Variants in GRID2 observed in about 807,000 individuals in gnomAD.
GRID2 encodes the protein glutamate receptor ionotropic, delta-2.
In GRID2, 33 loss-of-function variants were observed where a neutral mutation model predicts 114.8. The observed-to-expected ratio is 0.29, with a 90% CI of 0.22 to 0.38. GRID2 has a LOEUF of 0.38. GRID2 is among the 10% of genes least tolerant of loss of function. The pLI, the probability that GRID2 is intolerant of heterozygous loss-of-function variation, is 1.00. For synonymous variants in GRID2, 505 were observed against 449.9 expected (o/e 1.12, Z -1.55); for missense variants, 1,184 against 1,257.7 (o/e 0.94, Z 0.89).
intron 1 of GRID2, among the ~76,000 whole-genome samples, chr4:92,394,999 C>T (rs1448377452): frequency 1.3e-5 from 2 of 151,318 alleles, no homozygotes; most frequent in African/African-American, 4.8e-5. Context: ...TAATTCTATC[C>T]ATAATATGCT....
chr4:92,978,204 C>G (rs1271224008), intron 2 of GRID2, among the ~76,000 whole-genome samples: 1 of 152,122 alleles, frequency 6.6e-6, no homozygotes, highest in East Asian at 1.9e-4. Context: ...GAATGTTTCT[C>G]TTCATTCCTT....
chr4:93,649,404 A>G (rs1335034831), intron 14 of GRID2, among the ~76,000 whole-genome samples: 1 of 152,092 alleles, frequency 6.6e-6, no homozygotes, highest in African/African-American at 2.4e-5. Context: ...TTTTTCTTTT[A>G]TTAACATAAT....
At chr4:92,539,268 T>C in intron 1 of GRID2, among the ~76,000 whole-genome samples, 1 of 152,126 alleles carries the variant, frequency 6.6e-6, no homozygotes, top group African/African-American at 2.4e-5. Flanking sequence ...AACTAATGAG[T>C]GTTTAACTAT....
At chr4:93,031,333 C>T (rs981633547) in intron 2 of GRID2, among the ~76,000 whole-genome samples, 3 of 152,032 alleles carry the variant, frequency 2.0e-5, no homozygotes, top group South Asian at 2.1e-4. Context: ...TGTGAGCCAC[C>T]GTGCCCGGCC....
At chr4:93,406,916 A>G (rs1312138159) in intron 9 of GRID2, among the ~76,000 whole-genome samples, 5 of 152,136 alleles carry the variant, frequency 3.3e-5, no homozygotes, top group African/African-American at 1.2e-4. Flanking sequence ...CGACGAAAAA[A>G]CGTCACAGAA....
chr4:92,696,998 C>T (rs1001140974), intron 2 of GRID2, among the ~76,000 whole-genome samples: 8 of 152,206 alleles, frequency 5.3e-5, no homozygotes, highest in Admixed American at 5.2e-4. Context: ...TTGTACCTTT[C>T]TCTCAATGAC....
chr4:92,891,525 T>A (rs909880050), intron 2 of GRID2, among the ~76,000 whole-genome samples: 1 of 152,190 alleles, frequency 6.6e-6, no homozygotes, highest in African/African-American at 2.4e-5. Context: ...TGCCTTCCTT[T>A]TCACTAGTCA....
At chr4:93,258,815 C>A (rs1488338040) in intron 8 of GRID2, 2 of 430,352 alleles carry the variant, frequency 4.6e-6, no homozygotes, top group Admixed American at 5.2e-5. Context: ...TTGATCTATT[C>A]TTTCTATAAA....
rs538908129 is a variant in GRID2, at chr4:92,695,827, C to T, written c.244+105541C>T. Among the ~76,000 whole-genome samples the T allele has an allele frequency of 3.2e-3, 479 of 151,886 alleles. 3 individuals carry two copies. Among genetic ancestry groups the T allele is most frequent in the Non-Finnish European group, 3.5e-3 (235 of 67,956 alleles). On this transcript the variant is annotated intron_variant, in intron 2 of 15. Coordinates refer to ENST00000282020, the MANE Select transcript of GRID2 (RefSeq NM_001510.4). The stretch of plus-strand genomic sequence containing the variant: ...AGAAGGACAGATGTCTCAAATAGTT[C>T]GTGAATTAAAAAAATACGAATCAAA...
chr4:92,603,060 G>A (rs940176072), intron 2 of GRID2, among the ~76,000 whole-genome samples: 2 of 151,866 alleles, frequency 1.3e-5, no homozygotes, highest in Non-Finnish European at 2.9e-5. Flanking sequence ...AGGACACAAA[G>A]AAATGGAAAA....
chr4:92,817,994 T>C (rs763564090), intron 2 of GRID2, among the ~76,000 whole-genome samples: 1 of 152,182 alleles, frequency 6.6e-6, no homozygotes, highest in African/African-American at 2.4e-5. Context: ...ATCCAAAAGA[T>C]GCTGCAAAAC....
At chr4:92,612,827 G>T (rs1051607258) in intron 2 of GRID2, among the ~76,000 whole-genome samples, 2 of 151,252 alleles carry the variant, frequency 1.3e-5, no homozygotes. Flanking sequence ...AGTTTTTGTG[G>T]ATCTGTCAGG....
At chr4:93,340,100 A>G (rs1333529148) in intron 8 of GRID2, among the ~76,000 whole-genome samples, 4 of 152,162 alleles carry the variant, frequency 2.6e-5, no homozygotes, top group African/African-American at 9.7e-5. Context: ...AGTTTCCCAA[A>G]GGTGTGTCTA....
intron 1 of GRID2, among the ~76,000 whole-genome samples, chr4:92,411,655 G>GTGTGTGTGTATATATA: frequency 2.4e-5 from 2 of 84,724 alleles, no homozygotes; most frequent in African/African-American, 5.9e-5. Context: ...GTGTGTGTGT[G>GTGTGTGTGTATATATA]TATATATATA....
chr4:92,697,057 G>A (rs528334633), intron 2 of GRID2, among the ~76,000 whole-genome samples: 36 of 152,256 alleles, frequency 2.4e-4, no homozygotes, highest in African/African-American at 7.2e-4. Flanking sequence ...ACATTTGAAC[G>A]CTTACAGTGG....
chr4:93,223,351 AT>A (rs1745115637), intron 6 of GRID2, among the ~76,000 whole-genome samples: 2 of 152,166 alleles, frequency 1.3e-5, no homozygotes, highest in African/African-American at 4.8e-5. Context: ...TATTATACAT[AT>A]AAAATGATAT....
At chr4:92,858,739 A>G (rs576833079) in intron 2 of GRID2, among the ~76,000 whole-genome samples, 1 of 152,004 alleles carries the variant, frequency 6.6e-6, no homozygotes, top group South Asian at 2.1e-4. Flanking sequence ...TTGTATTTTT[A>G]GTAGAGACGG....
rs543804022 is a variant in GRID2, at chr4:92,655,130, C to G, written c.244+64844C>G. ...ATGTGGTTATGCAGTTTTCCAAGCA[C>G]CATTTATTGAAGAAGGTGTTCTTTT... On this transcript the variant is annotated intron_variant, in intron 2 of 15. Transcript: ENST00000282020. Among the ~76,000 whole-genome samples, 257 of 152,010 alleles carry G rather than the reference C, an allele frequency of 1.7e-3. 2 individuals carry two copies. The highest frequency in any genetic ancestry group is 6.1e-3 in the African/African-American group (253 of 41,500).
chr4:92,778,235 G>GT (rs148905369), intron 2 of GRID2, among the ~76,000 whole-genome samples: 3,507 of 151,004 alleles, frequency 0.023, 101 homozygotes, highest in East Asian at 0.12. Context: ...CTTCTCCATT[G>GT]TTTTTTTTTA....
Sources: allele counts gnomAD v4.1 joint callset (sites outside exome capture counted in the v4.1 genomes callset), GRCh38; gene constraint gnomAD v4.1.1; transcripts MANE v1.5; gene names NCBI Gene and HGNC (gene_info 2026-07-23, HGNC 2026-07-21).